FXR1: variants seen among roughly 807,000 people sequenced by gnomAD.
FXR1 encodes the protein FMR1 autosomal homolog 1.
In FXR1, 15 loss-of-function variants were observed where a neutral mutation model predicts 84.0. The observed-to-expected ratio is 0.18, with a 90% CI of 0.12 to 0.27. FXR1 has a LOEUF of 0.27. Among genes scored for constraint, FXR1 ranks in the 10% least tolerant of loss-of-function variants. The probability of loss-of-function intolerance (pLI) is 1.00; values close to 1 mark genes in which losing one functional copy is unlikely to be tolerated. For missense variants in FXR1, 480 were observed against 774.4 expected, an observed-to-expected ratio of 0.62 and a Z score of 4.51; for synonymous variants, 245 against 250.7, an observed-to-expected ratio of 0.98 and a Z score of 0.21.
chr3:180,961,348 A>T, intron 10 of FXR1, 120 bp from the exon 11 acceptor site: 1 of 433,056 alleles, frequency 2.3e-6, no homozygotes, highest in Admixed American at 3.6e-5. Context: ...TCAAAAAAAA[A>T]AAAAAAAAAA....
intron 10 of FXR1, 54 bp from the exon 11 acceptor site, chr3:180,961,414 C>T (rs1263674195): frequency 5.0e-6 from 4 of 801,112 alleles, no homozygotes; most frequent in South Asian, 3.2e-5. Flanking sequence ...CACTTTTAGG[C>T]TAGAACTTTG....
chr3:180,931,940 T>C (rs899225163), intron 1 of FXR1, among the ~76,000 whole-genome samples: 4 of 151,598 alleles, frequency 2.6e-5, no homozygotes, highest in African/African-American at 9.7e-5. Context: ...GGGATTCCAC[T>C]GTCTTGCCTA....
At chr3:180,953,899 G>A (rs1722479674) in intron 9 of FXR1, 59 bp downstream of exon 9, 2 of 849,736 alleles carry the variant, frequency 2.4e-6, no homozygotes, top group Non-Finnish European at 2.0e-6. Flanking sequence ...TACATATAGC[G>A]ACTTAATTGA....
chr3:180,948,527 T>C (rs1721915848), intron 5 of FXR1, 32 bp downstream of exon 5: 1 of 1,483,986 alleles, frequency 6.7e-7, no homozygotes, highest in Non-Finnish European at 9.3e-7. Flanking sequence ...TGAATTGTTC[T>C]GTGAATTAAG....
rs1326881226 is a variant in FXR1 at position 180,932,526 on chromosome 3, G to A, written c.52-808G>A. ...ACCCAAGTCCTTTGCTCTTTCTTGAGTATGTCAGATCTTATGGTTTCTTTC... is the reference window on the plus strand; with the variant it reads ...ACCCAAGTCCTTTGCTCTTTCTTGAATATGTCAGATCTTATGGTTTCTTTC... On this transcript the variant is annotated intron_variant, in intron 1 of 16. Transcript: ENST00000357559. Among the ~76,000 whole-genome samples, 4 of 152,184 alleles carry A rather than the reference G, an allele frequency of 2.6e-5. No homozygotes were observed. In the East Asian group the frequency reaches 7.7e-4, roughly 29 times the overall value.
intron 11 of FXR1, among the ~76,000 whole-genome samples, chr3:180,961,820 T>G (rs1712157206): frequency 6.6e-6 from 1 of 152,222 alleles, no homozygotes; most frequent in African/African-American, 2.4e-5. Context: ...TCTTTCTTTC[T>G]TAAGAAATGA....
intron 8 of FXR1, among the ~76,000 whole-genome samples, chr3:180,952,649 G>A (rs1264583280): frequency 6.6e-6 from 1 of 151,846 alleles, no homozygotes; most frequent in Non-Finnish European, 1.5e-5. Context: ...GCTTTGAGTA[G>A]GCTTGGAGTT....
At position 180,979,842 on chromosome 3, in the gene FXR1, G is replaced by T. The variant is rs555650791; in HGVS notation, c.*3550G>T. 2 of 152,100 alleles carry T rather than the reference G, an allele frequency of 1.3e-5. No homozygotes were observed. Among genetic ancestry groups the T allele is most frequent in the African/African-American group, 4.8e-5 (2 of 41,538 alleles). 9.4% of individuals were successfully genotyped at this position (152,100 alleles called of 1,614,324 possible). A position where few individuals can be genotyped will look rare whatever the true frequency, so the allele number is the denominator to read the frequency against. The stretch of plus-strand genomic sequence containing the variant: ...TTACAAATTTTTAAAAAGTTTATCA[G>T]TGTATCATTTCAGATTCATCTGTAT... On this transcript the variant is annotated 3_prime_UTR_variant, in exon 17 of 17. Transcript: ENST00000357559.
chr3:180,926,507 T>TATA (rs397991792), intron 1 of FXR1, among the ~76,000 whole-genome samples: 3 of 79,196 alleles, frequency 3.8e-5, no homozygotes, highest in Middle Eastern at 6.0e-3. Context: ...TATATATATA[T>TATA]TTTTTTTTCT....
At chr3:180,974,256 TCAAG>T (rs1402766230) in intron 15 of FXR1, among the ~76,000 whole-genome samples, 2 of 151,888 alleles carry the variant, frequency 1.3e-5, no homozygotes, top group Non-Finnish European at 2.9e-5. Context: ...CCTCCCGGGT[TCAAG>T]CAATGCTCTT....
intron 13 of FXR1, among the ~76,000 whole-genome samples, chr3:180,964,676 T>TATATATATATATATATATATAG (rs1712584359): frequency 3.9e-5 from 1 of 25,592 alleles, no homozygotes; most frequent in African/African-American, 1.6e-4. Flanking sequence ...AGTTGATTTA[T>TATATATATATATATATATATAG]ATATATATAT....
At chr3:180,926,506 A>ATATATATATATATATATTTTT (rs72192827) in intron 1 of FXR1, among the ~76,000 whole-genome samples, 2 of 124,378 alleles carry the variant, frequency 1.6e-5, no homozygotes, top group Admixed American at 1.7e-4. Context: ...ATATATATAT[A>ATATATATATATATATATTTTT]TTTTTTTTTC....
intron 1 of FXR1, among the ~76,000 whole-genome samples, chr3:180,917,252 T>G (rs1718007034): frequency 6.7e-6 from 1 of 149,166 alleles, no homozygotes; most frequent in African/African-American, 2.5e-5. Flanking sequence ...TAAGTGGAAT[T>G]TGAGCGTAAT....
chr3:180,963,234 C>A, intron 13 of FXR1, 144 bp downstream of exon 13: 1 of 570,156 alleles, frequency 1.8e-6, no homozygotes, highest in Admixed American at 3.3e-5. Context: ...GTTTAGTACA[C>A]GTCTTAATAG....
At chr3:180,962,828 A>C in intron 11 of FXR1, 55 bp from the exon 12 acceptor site, 1 of 1,240,580 alleles carries the variant, frequency 8.1e-7, no homozygotes. Context: ...TTTAGGCTTT[A>C]GGAAAACAAA....
At position 180,968,907 on chromosome 3, in the gene FXR1, T is replaced by C. The variant is rs149146850; in HGVS notation, c.1402+653T>C. ...TACCATAACGGGCTAGGGAGTTAAT[T>C]GCCAGGGATAGATACATAGACTATA... On this transcript the variant is annotated intron_variant, in intron 14 of 16. Transcript: ENST00000357559. Among the ~76,000 whole-genome samples the C allele has an allele frequency of 3.3e-3, 504 of 152,286 alleles. 6 individuals are homozygous for C. The highest frequency in any genetic ancestry group is 0.011 in the African/African-American group (467 of 41,572).
At chr3:180,947,716 C>T in intron 3 of FXR1, 149 bp from the exon 4 acceptor site, 1 of 437,022 alleles carries the variant, frequency 2.3e-6, no homozygotes, top group South Asian at 7.9e-5. Flanking sequence ...TTACATATCA[C>T]TTTCTTTAAA....
chr3:180,922,333 A>C (rs751095072), intron 1 of FXR1, among the ~76,000 whole-genome samples: 1 of 152,140 alleles, frequency 6.6e-6, no homozygotes, highest in Non-Finnish European at 1.5e-5. Flanking sequence ...AGTTGGCTTT[A>C]TGATCTTTAA....
chr3:180,932,370 C>A (rs1248088064), intron 1 of FXR1, among the ~76,000 whole-genome samples: 1 of 152,124 alleles, frequency 6.6e-6, no homozygotes, highest in Non-Finnish European at 1.5e-5. Flanking sequence ...GACTAACATT[C>A]AGTAATTTGC....
Sources: allele counts gnomAD v4.1 joint callset (sites outside exome capture counted in the v4.1 genomes callset), GRCh38; gene constraint gnomAD v4.1.1; transcripts MANE v1.5; gene names NCBI Gene and HGNC (gene_info 2026-07-23, HGNC 2026-07-21).